Variants in HMGXB3 observed in about 807,000 individuals in gnomAD.
The protein encoded by HMGXB3 is HMG-box containing 3.
HMGXB3 carries 45 observed loss-of-function variants against 121.5 expected under a neutral mutation model. The ratio of observed to expected loss-of-function variants is 0.37; its 90% CI spans 0.29 to 0.47. The LOEUF is 0.47. HMGXB3 is among the 20% of genes least tolerant of loss of function. The probability of loss-of-function intolerance (pLI) is 0.99; values close to 1 mark genes in which losing one functional copy is unlikely to be tolerated. For missense variants in HMGXB3, 1,376 were observed against 1,602.2 expected (o/e 0.86, Z 2.41); for synonymous variants, 590 against 624.1 (o/e 0.95, Z 0.81).
chr5:150,028,559 ATTTTTTTTTTTT>A (rs55858256), intron 9 of HMGXB3, among the ~76,000 whole-genome samples: 1 of 38,894 alleles, frequency 2.6e-5, no homozygotes, highest in Non-Finnish European at 4.7e-5. Flanking sequence ...ATATATATAT[ATTTTTTTTTTTT>A]TTTTTTTCCT....
chr5:150,026,020 C>T (rs1397862499), intron 7 of HMGXB3, among the ~76,000 whole-genome samples: 2 of 151,940 alleles, frequency 1.3e-5, no homozygotes, highest in East Asian at 1.9e-4. Flanking sequence ...TTAGTAGAGA[C>T]GGAGTTTCAC....
chr5:150,039,170 A>G (rs1756567283), intron 13 of HMGXB3, among the ~76,000 whole-genome samples: 1 of 152,220 alleles, frequency 6.6e-6, no homozygotes, highest in African/African-American at 2.4e-5. Flanking sequence ...TCAGCTTGTC[A>G]ATATCTACAA....
intron 1 of HMGXB3, among the ~76,000 whole-genome samples, chr5:150,002,143 A>G (rs1264941529): frequency 2.0e-5 from 3 of 152,260 alleles, no homozygotes; most frequent in Admixed American, 1.3e-4. Flanking sequence ...ACAGAGAACT[A>G]GGAAGAACCT....
chr5:150,015,118 C>A (rs1755930350), intron 5 of HMGXB3: 2 of 345,506 alleles, frequency 5.8e-6, no homozygotes, highest in Non-Finnish European at 1.1e-5. Flanking sequence ...TGCGGCCATC[C>A]AGTCTGTGAA....
chr5:150,047,516 A>C lies in HMGXB3; in HGVS notation c.2951-108A>C, dbSNP rs916002983. The C allele has an allele frequency of 3.8e-6, 5 of 1,304,866 alleles. No individual in the cohort carries two copies. The African/African-American group carries it at 7.4e-5, about 19-fold the overall frequency. The allele number at this position is 1,304,866 out of a possible 1,614,324, so 80.8% of individuals were successfully genotyped here. ...GTTCCACCTCTGCCAGCACTGGGGG[A>C]GGGCTTGGTGCAGAGCTGGCTTCCA... On this transcript the variant is annotated intron_variant, in intron 16 of 19. Transcript: ENST00000502717.
rs1465589587 is a variant in HMGXB3 at position 150,053,000 on chromosome 5, G to A, written c.*808G>A. On this transcript the variant is annotated 3_prime_UTR_variant, in exon 20 of 20. Transcript: ENST00000502717. ...AAGCAGACTGGGCCATAAGGAAACA[G>A]CAGGACTGGCTCAAGTGCCCAAGGT... The A allele has an allele frequency of 6.2e-6, 1 of 161,856 alleles. No homozygotes were observed. Among genetic ancestry groups the A allele is most frequent in the African/African-American group, 2.4e-5 (1 of 41,708 alleles). The allele number at this position is 161,856 out of a possible 1,614,324, so 10.0% of individuals were successfully genotyped here.
At chr5:150,014,904 C>T in intron 5 of HMGXB3, 1 of 767,050 alleles carries the variant, frequency 1.3e-6, no homozygotes, top group Non-Finnish European at 2.0e-6. Context: ...GTTTCTTCAG[C>T]ACCTTCGCTA....
intron 11 of HMGXB3, among the ~76,000 whole-genome samples, chr5:150,034,837 G>A (rs1027835466): frequency 5.3e-5 from 8 of 152,132 alleles, no homozygotes; most frequent in African/African-American, 9.7e-5. Context: ...CGAGAGTCAC[G>A]GGACAGTATT....
chr5:150,043,385 A>G (rs763264650), intron 15 of HMGXB3, among the ~76,000 whole-genome samples: 1 of 152,232 alleles, frequency 6.6e-6, no homozygotes, highest in Admixed American at 6.5e-5. Flanking sequence ...GAACTCTACC[A>G]TAGTAAACAA....
At chr5:150,002,350 T>C (rs566723737) in intron 1 of HMGXB3, among the ~76,000 whole-genome samples, 20 of 152,190 alleles carry the variant, frequency 1.3e-4, no homozygotes, top group Non-Finnish European at 2.6e-4. Flanking sequence ...GTAGAAACAG[T>C]TGAAATTTAG....
At chr5:150,008,811 T>C (rs1278752813) in intron 3 of HMGXB3, among the ~76,000 whole-genome samples, 1 of 152,232 alleles carries the variant, frequency 6.6e-6, no homozygotes, top group African/African-American at 2.4e-5. Context: ...ACATGGCTGC[T>C]TCAAAGGGTG....
At chr5:150,010,039 CTT>C (rs1755791826) in intron 3 of HMGXB3, 70 bp from the exon 4 acceptor site, 1 of 1,414,472 alleles carries the variant, frequency 7.1e-7, no homozygotes, top group Non-Finnish European at 9.4e-7. Context: ...ATATATATAT[CTT>C]TCTCTCTCCA....
Position 150,042,281 on chromosome 5 carries a change from T to C in HMGXB3, c.2730+312T>C, listed in dbSNP as rs187113809. ...CTGGGAGATAGTAGTTAAACAAAGT[T>C]TCTGTCCTCATGGAGCTCACTTTCT... On this transcript the variant is annotated intron_variant, in intron 15 of 19. Transcript: ENST00000502717. 2.0e-5 allele frequency among the ~76,000 whole-genome samples: 3 copies of C among 152,324 alleles called. No homozygotes were observed. In the East Asian group the frequency reaches 5.8e-4, roughly 29 times the overall value.
In HMGXB3 at chr5:150,051,738, C is replaced by T. The variant is rs1243845804; in HGVS notation, c.3425C>T (p.Pro1142Leu). Residue 1142 changes from proline (P) to leucine (L), a missense_variant, in exon 20 of 20, where the codon CCA (proline) becomes CTA (leucine). Physicochemically the swap from Pro to Leu is moderately conservative, Grantham distance 98 (BLOSUM62 -3). This residue lies in a region of HMGXB3 where 260 missense variants were observed against 233.2 expected (regional missense o/e 1.11). Transcript: ENST00000502717. ...PTEPPVSVSCPELLDQHYTVD... is the reference protein window; with the variant it reads ...PTEPPVSVSCLELLDQHYTVD... ...TTTCTCTTCTAGAGTGTGTCCTGCC[C>T]AGAGCTCTTGGACCAGCATTATACT... 5 of 1,527,408 alleles carry T rather than the reference C, an allele frequency of 3.3e-6. No individual in the cohort carries two copies. The highest frequency in any genetic ancestry group is 2.7e-5 in the African/African-American group (2 of 72,850). 94.6% of individuals were successfully genotyped at this position (1,527,408 alleles called of 1,614,324 possible).
At chr5:150,050,484 GCCATGTCTCCTCAAGCCTA>G (rs1323346034) in intron 19 of HMGXB3, 23 bp downstream of exon 19, 1 of 1,510,436 alleles carries the variant, frequency 6.6e-7, no homozygotes, top group African/African-American at 1.4e-5. Flanking sequence ...CTGAGGAACT[GCCATGTCTCCTCAAGCCTA>G]CCATGTCTTG....
chr5:150,026,478 G>A (rs1162083301), intron 7 of HMGXB3, among the ~76,000 whole-genome samples: 1 of 152,098 alleles, frequency 6.6e-6, no homozygotes, highest in Non-Finnish European at 1.5e-5. Flanking sequence ...TACTGTATAG[G>A]TAATTACTGT....
intron 14 of HMGXB3, 109 bp downstream of exon 14, chr5:150,040,988 T>G (rs1198367421): frequency 9.2e-7 from 1 of 1,085,410 alleles, no homozygotes; most frequent in African/African-American, 1.6e-5. Context: ...CTGATTATTT[T>G]GAAAAGGAGA....
chr5:150,007,290 A>G (rs539624106), intron 3 of HMGXB3, among the ~76,000 whole-genome samples: 2 of 152,254 alleles, frequency 1.3e-5, no homozygotes, highest in Non-Finnish European at 2.9e-5. Flanking sequence ...GTAACAAAAT[A>G]CACTGACAGC....
intron 3 of HMGXB3, 130 bp downstream of exon 3, chr5:150,006,777 C>A (rs985364983): frequency 1.3e-6 from 1 of 770,066 alleles, no homozygotes; most frequent in Non-Finnish European, 2.0e-6. Context: ...CTTCTTGACT[C>A]TGGGCTTGCT....
Sources: allele counts gnomAD v4.1 joint callset (sites outside exome capture counted in the v4.1 genomes callset), GRCh38; gene constraint gnomAD v4.1.1; regional missense constraint gnomAD v4.1.1; transcripts MANE v1.5; gene names NCBI Gene and HGNC (gene_info 2026-07-23, HGNC 2026-07-21).